Variants in SUCLG2 observed in about 807,000 individuals in gnomAD.
The protein encoded by SUCLG2 is succinate-CoA ligase GDP-forming subunit beta.
In SUCLG2, 42 loss-of-function variants were observed where a neutral mutation model predicts 47.9. That is an observed-to-expected ratio of 0.88 (90% CI 0.69 to 1.14). SUCLG2 has a LOEUF of 1.14. Among genes scored for constraint, SUCLG2 ranks in the 50% most tolerant of loss-of-function variants. SUCLG2 has a pLI of 0.00. For synonymous variants in SUCLG2, 195 were observed against 197.3 expected (o/e 0.99, Z 0.10); for missense variants, 571 against 525.9 (o/e 1.09, Z -0.84).
At chr3:67,647,257 C>A (rs1025199522) in intron 1 of SUCLG2, among the ~76,000 whole-genome samples, 1 of 152,180 alleles carries the variant, frequency 6.6e-6, no homozygotes, top group Non-Finnish European at 1.5e-5. Context: ...TATGTCAAAT[C>A]CCTCGAATTT....
At chr3:67,437,069 T>G (rs1289055561) in intron 9 of SUCLG2, among the ~76,000 whole-genome samples, 2 of 152,218 alleles carry the variant, frequency 1.3e-5, no homozygotes, top group African/African-American at 4.8e-5. Context: ...ATTATTAATT[T>G]TGTATATTTC....
intron 2 of SUCLG2, among the ~76,000 whole-genome samples, chr3:67,581,244 A>C (rs748308063): frequency 6.6e-6 from 1 of 152,190 alleles, no homozygotes; most frequent in Non-Finnish European, 1.5e-5. Flanking sequence ...AAGTCCAAAA[A>C]TGCAGATAAA....
At chr3:67,625,339 C>A (rs1700808134) in intron 1 of SUCLG2, among the ~76,000 whole-genome samples, 1 of 152,140 alleles carries the variant, frequency 6.6e-6, no homozygotes, top group Non-Finnish European at 1.5e-5. Context: ...CATGACCTTA[C>A]AAGTTTGCTG....
At position 67,534,571 on chromosome 3, in the gene SUCLG2, A is replaced by C. The variant is rs181099571; in HGVS notation, c.227-5385T>G. Reference sequence around the variant, plus strand: ...TTAATACACATTTTGTTGGTGATAAAATTTTTAAAGGTAAATAAAAATTAT... The same window carrying C: ...TTAATACACATTTTGTTGGTGATAACATTTTTAAAGGTAAATAAAAATTAT... On this transcript the variant is annotated intron_variant, in intron 2 of 10. Transcript: ENST00000307227. Among the ~76,000 whole-genome samples, 6 of 151,874 alleles carry C rather than the reference A, an allele frequency of 4.0e-5. No individual in the cohort carries two copies. The East Asian group carries it at 1.2e-3, about 29-fold the overall frequency.
chr3:67,478,417 T>C (rs531190990), intron 9 of SUCLG2, among the ~76,000 whole-genome samples: 63 of 152,368 alleles, frequency 4.1e-4, no homozygotes, highest in African/African-American at 1.5e-3. Flanking sequence ...GACCTCTGTC[T>C]GTCATTGAAG....
chr3:67,541,601 T>C (rs1165849666), intron 2 of SUCLG2, among the ~76,000 whole-genome samples: 1 of 152,172 alleles, frequency 6.6e-6, no homozygotes, highest in Non-Finnish European at 1.5e-5. Flanking sequence ...TTCAGGATGT[T>C]ATCCAGGAAT....
In SUCLG2 at chr3:67,528,200, C is replaced by T. The variant is rs13318110; in HGVS notation, c.349G>A (p.Ala117Thr). ...AGATTGTACCCAATCATCTGTTTAG[C>T]CAGCTGTCCCACAACATTAGGGCTA... is the stretch of plus-strand genomic sequence containing the variant. Reference protein sequence around the residue: ...TKDPNVVGQLAKQMIGYNLAT... With the variant: ...TKDPNVVGQLTKQMIGYNLAT... Residue 117 changes from alanine (A) to threonine (T), a missense_variant, in exon 4 of 11, where the codon GCT becomes ACT. Coordinates refer to ENST00000307227, the MANE Select transcript of SUCLG2 (RefSeq NM_003848.4). 7,247 of 1,613,736 alleles carry T rather than the reference C, an allele frequency of 4.5e-3. 221 individuals carry two copies. In the African/African-American group the frequency reaches 0.073, roughly 16 times the overall value.
At chr3:67,597,885 C>T (rs890869914) in intron 2 of SUCLG2, among the ~76,000 whole-genome samples, 1 of 151,892 alleles carries the variant, frequency 6.6e-6, no homozygotes, top group African/African-American at 2.4e-5. Context: ...TTGCAGTCAG[C>T]CAAGATCGTG....
At chr3:67,528,280 G>C (rs1706309873) in intron 3 of SUCLG2, 58 bp from the exon 4 acceptor site, 4 of 1,497,632 alleles carry the variant, frequency 2.7e-6, no homozygotes, top group South Asian at 1.1e-5. Context: ...ATTTAAATGA[G>C]AGTCCTTACA....
chr3:67,514,112 G>A (rs909130002), intron 6 of SUCLG2: 5 of 312,608 alleles, frequency 1.6e-5, no homozygotes, highest in African/African-American at 8.8e-5. Flanking sequence ...AACTGCTGAC[G>A]GCTCATTGAA....
chr3:67,633,831 C>T (rs1415880685), intron 1 of SUCLG2, among the ~76,000 whole-genome samples: 3 of 152,070 alleles, frequency 2.0e-5, no homozygotes, highest in South Asian at 2.1e-4. Context: ...GAATCCTCTC[C>T]GCTTTCTGCC....
intron 1 of SUCLG2, among the ~76,000 whole-genome samples, chr3:67,634,832 A>C (rs1461758156): frequency 6.6e-6 from 1 of 152,182 alleles, no homozygotes; most frequent in Non-Finnish European, 1.5e-5. Context: ...CCTGTCTTCC[A>C]ATTCTAACCA....
chr3:67,607,464 CTT>C (rs1700439895), intron 2 of SUCLG2, among the ~76,000 whole-genome samples: 1 of 151,644 alleles, frequency 6.6e-6, no homozygotes, highest in South Asian at 2.1e-4. Flanking sequence ...TGTTAGAAAA[CTT>C]TAAAATACTG....
intron 3 of SUCLG2, 139 bp downstream of exon 3, chr3:67,528,948 C>G: frequency 1.6e-6 from 1 of 617,126 alleles, no homozygotes; most frequent in Non-Finnish European, 2.8e-6. Context: ...GAGCCCTCTA[C>G]CTATGATTTC....
chr3:67,518,234 A>G lies in SUCLG2; in HGVS notation c.660+13T>C, dbSNP rs575033997. On this transcript the variant is annotated intron_variant, in intron 6 of 10. Coordinates refer to ENST00000307227, the MANE Select transcript of SUCLG2 (RefSeq NM_003848.4). ...AACAAGTCAGACACACCATCCCCCAATGGCTTATATACCTGGCTTTTCAAA... is the reference window on the plus strand; with the variant it reads ...AACAAGTCAGACACACCATCCCCCAGTGGCTTATATACCTGGCTTTTCAAA... 1,289 of 1,601,746 alleles carry G rather than the reference A, an allele frequency of 8.0e-4. 20 individuals are homozygous for G. The South Asian group carries it at 0.013, about 16-fold the overall frequency.
At chr3:67,616,614 AC>A in intron 1 of SUCLG2, among the ~76,000 whole-genome samples, 1 of 152,360 alleles carries the variant, frequency 6.6e-6, no homozygotes, top group East Asian at 1.9e-4. Context: ...ATATCAATCT[AC>A]TTAAAAGCAA....
chr3:67,574,620 A>G (rs1034138705), intron 2 of SUCLG2, among the ~76,000 whole-genome samples: 2 of 152,236 alleles, frequency 1.3e-5, no homozygotes, highest in African/African-American at 2.4e-5. Flanking sequence ...AAGAACATAC[A>G]GTAGAAAAAT....
intron 10 of SUCLG2, 40 bp downstream of exon 10, chr3:67,400,691 A>G (rs368259008): frequency 1.9e-6 from 3 of 1,602,000 alleles, no homozygotes; most frequent in Non-Finnish European, 2.5e-6. Flanking sequence ...CTGACCTTGG[A>G]GAAGGGGTGC....
At chr3:67,475,673 T>G (rs1704729385) in intron 9 of SUCLG2, among the ~76,000 whole-genome samples, 2 of 152,210 alleles carry the variant, frequency 1.3e-5, no homozygotes, top group East Asian at 3.9e-4. Context: ...TTCTTTTATG[T>G]GTTCACCTCG....
Sources: allele counts gnomAD v4.1 joint callset (sites outside exome capture counted in the v4.1 genomes callset), GRCh38; gene constraint gnomAD v4.1.1; transcripts MANE v1.5; gene names NCBI Gene and HGNC (gene_info 2026-07-23, HGNC 2026-07-21).